PRKN: variants seen among roughly 807,000 people sequenced by gnomAD.
PRKN encodes the protein parkin RBR E3 ubiquitin protein ligase.
A neutral mutation model predicts 59.5 loss-of-function variants in PRKN; 56 were observed. The observed-to-expected ratio is 0.94, with a 90% confidence interval of 0.76 to 1.18. The LOEUF is 1.18. Ranked by LOEUF, PRKN falls within the 50% of genes most tolerant of loss-of-function variation. The pLI is 0.00. For synonymous variants in PRKN, 250 were observed against 222.1 expected (o/e 1.13, Z -1.12); for missense variants, 657 against 596.4 (o/e 1.10, Z -1.06).
In PRKN at chr6:161,391,222, ATTT is replaced by A. The variant is rs1786490875; in HGVS notation, c.1084-4348_1084-4346del. ...TTAACCAACCATGTAGAAGGCTGAA[ATTT>A]ACCCAGGGATTTGCTATTACTTAAA... On this transcript the variant is annotated intron_variant, in intron 9 of 11. Transcript: ENST00000366898. The surrounding 1 kb of genome is among the most constrained non-coding windows in gnomAD (Gnocchi z 4.9). 6.6e-6 allele frequency among the ~76,000 whole-genome samples: 1 copy of A among 152,048 alleles called. No individual in the cohort carries two copies. The highest frequency in any genetic ancestry group is 1.5e-5 in the Non-Finnish European group (1 of 68,018).
intron 1 of PRKN, among the ~76,000 whole-genome samples, chr6:162,633,149 T>C (rs1215361076): frequency 6.7e-6 from 1 of 150,132 alleles, no homozygotes; most frequent in Non-Finnish European, 1.5e-5. Flanking sequence ...AAAAAAAAAA[T>C]GTAGGCCGGG....
rs988392881 is a variant in PRKN at position 161,912,318 on chromosome 6, C to A, written c.734+60984G>T. On this transcript the variant is annotated intron_variant, in intron 6 of 11. Coordinates refer to ENST00000366898, the MANE Select transcript of PRKN (RefSeq NM_004562.3). ...TACCAATAAAATGTTTAAACTATTT[C>A]TATGGCAACGTAACAAAAGCAGAAA... Among the ~76,000 whole-genome samples, 9 of 152,108 alleles carry A rather than the reference C, an allele frequency of 5.9e-5. No individual in the cohort carries two copies. In the East Asian group the frequency reaches 1.7e-3, roughly 29 times the overall value.
Position 161,417,533 on chromosome 6 carries a change from G to C in PRKN, c.1084-30656C>G, listed in dbSNP as rs564463958. On this transcript the variant is annotated intron_variant, in intron 9 of 11. Transcript: ENST00000366898. This position sits in a 1 kb window ranked among gnomAD's most constrained non-coding sequence, Gnocchi z 5.4. ...CTGAATTAAAGGTCTCTGAATTAAAGTGTATAAATGTACCTTCTCCCATAA... is the reference window on the plus strand; with the variant it reads ...CTGAATTAAAGGTCTCTGAATTAAACTGTATAAATGTACCTTCTCCCATAA... 2.0e-5 allele frequency among the ~76,000 whole-genome samples: 3 copies of C among 151,788 alleles called. No individual in the cohort carries two copies. The South Asian group carries it at 6.3e-4, about 32-fold the overall frequency.
chr6:162,289,602 CA>C (rs2128108815), intron 2 of PRKN, among the ~76,000 whole-genome samples: 1 of 150,994 alleles, frequency 6.6e-6, no homozygotes, highest in South Asian at 2.1e-4. Context: ...GAGGCTGAGG[CA>C]GGAGAATTAC....
intron 5 of PRKN, among the ~76,000 whole-genome samples, chr6:162,042,555 G>A (rs1171142199): frequency 1.3e-5 from 2 of 152,072 alleles, no homozygotes; most frequent in East Asian, 3.9e-4. Context: ...TCCCAAAATG[G>A]TGGGGTTATA....
At chr6:162,239,961 G>C (rs905505512) in intron 3 of PRKN, among the ~76,000 whole-genome samples, 15 of 152,254 alleles carry the variant, frequency 9.9e-5, no homozygotes, top group Middle Eastern at 3.4e-3. Context: ...TAATATAACA[G>C]CATGAGTACT....
rs184027791 is a variant in PRKN, at chr6:162,648,128, C to T, written c.7+79534G>A. Among the ~76,000 whole-genome samples, 792 of 152,042 alleles carry T rather than the reference C, an allele frequency of 5.2e-3. 12 individuals carry two copies. Among genetic ancestry groups the T allele is most frequent in the Non-Finnish European group, 3.4e-3 (229 of 67,980 alleles). On this transcript the variant is annotated intron_variant, in intron 1 of 11. Coordinates refer to ENST00000366898, the MANE Select transcript of PRKN (RefSeq NM_004562.3). ...TAAAAAGACGAGCGATGTAAAATGGCAGTATTATATAACTCTACTGTATTA... is the reference window on the plus strand; with the variant it reads ...TAAAAAGACGAGCGATGTAAAATGGTAGTATTATATAACTCTACTGTATTA...
At chr6:162,443,541 A>T in intron 1 of PRKN, 68 bp from the exon 2 acceptor site, 1 of 1,419,498 alleles carries the variant, frequency 7.0e-7, no homozygotes. Flanking sequence ...TGGTGATAGC[A>T]ACATTTCTCA....
At chr6:162,250,003 G>A (rs997716958) in intron 3 of PRKN, among the ~76,000 whole-genome samples, 14 of 151,862 alleles carry the variant, frequency 9.2e-5, no homozygotes, top group South Asian at 4.2e-4. Flanking sequence ...AAAGTTAGCC[G>A]GGCATGGTTG....
chr6:161,684,120 A>G (rs924442169), intron 7 of PRKN, among the ~76,000 whole-genome samples: 11 of 152,246 alleles, frequency 7.2e-5, no homozygotes, highest in Admixed American at 2.0e-4. Flanking sequence ...ATAAGATGTC[A>G]GATGAAAGAT....
At position 161,545,199 on chromosome 6, in the gene PRKN, T is replaced by C. The variant is rs1779752642; in HGVS notation, c.1083+3655A>G. 1.5e-6 allele frequency: 2 copies of C among 1,371,748 alleles called. No individual in the cohort carries two copies. Among genetic ancestry groups the C allele is most frequent in the Non-Finnish European group, 1.9e-6 (2 of 1,064,834 alleles). The allele number at this position is 1,371,748 out of a possible 1,614,324, so 85.0% of individuals were successfully genotyped here. On this transcript the variant is annotated intron_variant, in intron 9 of 11. Transcript: ENST00000366898. This position sits in a 1 kb window ranked among gnomAD's most constrained non-coding sequence, Gnocchi z 4.1. ...CACATGGTAAGAGTTGTACTTTTTC[T>C]ATCTTGATAATTGAGGGAAAAAAAA... is the stretch of plus-strand genomic sequence containing the variant.
In PRKN at chr6:161,717,320, G is replaced by A. The variant is rs557365280; in HGVS notation, c.871+68452C>T. 6.6e-5 allele frequency among the ~76,000 whole-genome samples: 10 copies of A among 152,260 alleles called. 1 individual carries two copies. The highest frequency in any genetic ancestry group is 5.2e-4 in the Admixed American group (8 of 15,290). Reference sequence around the variant, plus strand: ...CATGAATCCCCCTTCACCTCCCAAAGGTCCCACCCACCTCCCAACACTGGT... The same window carrying A: ...CATGAATCCCCCTTCACCTCCCAAAAGTCCCACCCACCTCCCAACACTGGT... On this transcript the variant is annotated intron_variant, in intron 7 of 11. Transcript: ENST00000366898.
intron 5 of PRKN, among the ~76,000 whole-genome samples, chr6:162,034,182 T>TAG (rs1324757025): frequency 1.7e-3 from 204 of 121,552 alleles, no homozygotes; most frequent in African/African-American, 5.0e-3. Flanking sequence ...TATATATATA[T>TAG]ATATAGAGAG....
chr6:162,176,839 G>A (rs1037924093), intron 4 of PRKN, among the ~76,000 whole-genome samples: 2 of 151,736 alleles, frequency 1.3e-5, no homozygotes, highest in African/African-American at 4.8e-5. Flanking sequence ...TATGGGAGCA[G>A]AGAGAAATGC....
intron 5 of PRKN, among the ~76,000 whole-genome samples, chr6:162,031,627 C>G (rs1235651539): frequency 6.6e-6 from 1 of 151,582 alleles, no homozygotes; most frequent in Non-Finnish European, 1.5e-5. Context: ...CCTCCACCTC[C>G]AAGGTTCAAG....
chr6:161,971,467 T>G (rs1780803519), intron 6 of PRKN, among the ~76,000 whole-genome samples: 1 of 152,206 alleles, frequency 6.6e-6, no homozygotes, highest in African/African-American at 2.4e-5. Context: ...ATCAGCGCAG[T>G]CAAGCCCTCG....
chr6:162,129,989 T>G (rs909734836), intron 4 of PRKN, among the ~76,000 whole-genome samples: 1 of 152,160 alleles, frequency 6.6e-6, no homozygotes, highest in African/African-American at 2.4e-5. Context: ...TCAGAGGCTT[T>G]AGAATTGAGG....
intron 7 of PRKN, among the ~76,000 whole-genome samples, chr6:161,587,353 T>A (rs1781556893): frequency 6.6e-6 from 1 of 152,202 alleles, no homozygotes; most frequent in African/African-American, 2.4e-5. Flanking sequence ...GATCAATTCC[T>A]AAATTTCCAG....
intron 6 of PRKN, among the ~76,000 whole-genome samples, chr6:161,871,130 C>T (rs1220967811): frequency 2.6e-5 from 4 of 151,852 alleles, no homozygotes; most frequent in Admixed American, 2.0e-4. Flanking sequence ...GCAATTTAAA[C>T]GTATAGAGAT....
Sources: gnomAD v4.1 joint callset for allele counts (sites outside exome capture counted in the v4.1 genomes callset) on GRCh38, gnomAD v4.1.1 for gene constraint, Gnocchi (gnomAD v3.1) non-coding constraint, MANE v1.5 for transcripts, NCBI Gene and HGNC (gene_info 2026-07-23, HGNC 2026-07-21) for gene names.